TBX18: variants seen among roughly 807,000 people sequenced by gnomAD.
The protein encoded by TBX18 is T-box transcription factor TBX18.
Under a neutral mutation model 55.0 loss-of-function variants are expected in TBX18, and 21 were observed. The ratio of observed to expected loss-of-function variants is 0.38; its 90% CI spans 0.27 to 0.55. TBX18 has a LOEUF of 0.55. Ranked by LOEUF, TBX18 falls within the 20% of genes least tolerant of loss-of-function variation. The probability of loss-of-function intolerance (pLI) is 0.73; values close to 1 mark genes in which losing one functional copy is unlikely to be tolerated. For missense variants in TBX18, 840 were observed against 799.6 expected, an observed-to-expected ratio of 1.05 and a Z score of -0.61; for synonymous variants, 342 against 326.1, an observed-to-expected ratio of 1.05 and a Z score of -0.53.
chr6:84,763,919 C>A lies in TBX18; in HGVS notation c.263G>T (p.Ser88Ile). 1 of 1,559,996 alleles carries A rather than the reference C, an allele frequency of 6.4e-7. No homozygotes were observed. Among genetic ancestry groups the A allele is most frequent in the Non-Finnish European group, 8.6e-7 (1 of 1,159,228 alleles). Residue 88 changes from serine to isoleucine, a missense_variant, in exon 1 of 8, where the codon AGT becomes ATT. Ser to Ile is a moderately radical substitution (Grantham distance 142). Coordinates refer to ENST00000369663, the MANE Select transcript of TBX18 (RefSeq NM_001080508.3). ...GGCTCCGCGCTCCAGGTCTGCGCCA[C>A]TCCGAGCCGGCCCAGACGTCGCCCC... ...PAGATSGPAR[S>I]GADLERGAAG...
Position 84,735,899 on chromosome 6 carries a change from T to G in TBX18, c.*786A>C, listed in dbSNP as rs1414642553. The G allele has an allele frequency of 6.6e-6, 1 of 152,128 alleles. No individual in the cohort carries two copies. 9.4% of individuals were successfully genotyped at this position (152,128 alleles called of 1,614,324 possible). ...CCTGGTGAAAATTGGAATTTAAAAA[T>G]GTTTATAGAACATTCTTTAATGGTC... On this transcript the variant is annotated 3_prime_UTR_variant, in exon 8 of 8. Transcript: ENST00000369663.
At chr6:84,743,402 T>G (rs1013244549) in intron 6 of TBX18, among the ~76,000 whole-genome samples, 11 of 152,192 alleles carry the variant, frequency 7.2e-5, no homozygotes, top group Non-Finnish European at 1.5e-4. Flanking sequence ...TCTAAAATAA[T>G]TGGGGATTTT....
At position 84,735,688 on chromosome 6, in the gene TBX18, G is replaced by A; in HGVS notation, c.*997C>T. 2 of 152,162 alleles carry A rather than the reference G, an allele frequency of 1.3e-5. No individual in the cohort carries two copies. The highest frequency in any genetic ancestry group is 2.9e-5 in the Non-Finnish European group (2 of 68,024). 9.4% of individuals were successfully genotyped at this position (152,162 alleles called of 1,614,324 possible). ...CATTTTTTTTACTTATATACTATCG[G>A]TCAGGAAGCTCAGAGCAAGATGGAA... On this transcript the variant is annotated 3_prime_UTR_variant, in exon 8 of 8. Coordinates refer to ENST00000369663, the MANE Select transcript of TBX18 (RefSeq NM_001080508.3).
At chr6:84,744,398 CAAT>C in intron 5 of TBX18, 73 bp from the exon 6 acceptor site, 1 of 1,324,942 alleles carries the variant, frequency 7.5e-7, no homozygotes, top group African/African-American at 1.5e-5. Context: ...TGCAAAACTA[CAAT>C]GAGTCAAAAG....
chr6:84,742,732 G>A (rs889638001), intron 6 of TBX18, among the ~76,000 whole-genome samples: 3 of 151,914 alleles, frequency 2.0e-5, no homozygotes, highest in Admixed American at 2.0e-4. Context: ...GAATTTCAGT[G>A]TTTTAATAAA....
In TBX18 at chr6:84,737,407, T is replaced by G. The variant is rs111901553; in HGVS notation, c.1102A>C (p.Asn368His). The change falls in exon 8 of 8, where the codon AAT (asparagine) becomes CAT (histidine). Residue 368 changes from asparagine (N) to histidine (H), a missense_variant and splice_region_variant. Asn to His is a moderately conservative substitution (Grantham distance 68). Coordinates refer to ENST00000369663, the MANE Select transcript of TBX18 (RefSeq NM_001080508.3). ...TGGAGCAAGGTGGAGGAACTTGCATTGCCTACAAAAGAAGTTGAAATGTAA... is the reference window on the plus strand; with the variant it reads ...TGGAGCAAGGTGGAGGAACTTGCATGGCCTACAAAAGAAGTTGAAATGTAA... ...EDIPGIPKQG[N>H]ASSSTLLQGT... The G allele has an allele frequency of 6.0e-4, 901 of 1,509,322 alleles. 4 individuals carry two copies. Among genetic ancestry groups the G allele is most frequent in the African/African-American group, 5.9e-3 (420 of 71,666 alleles). 93.5% of individuals were successfully genotyped at this position (1,509,322 alleles called of 1,614,324 possible).
At chr6:84,763,829 G>T in intron 1 of TBX18, 61 bp downstream of exon 1, 1 of 1,437,898 alleles carries the variant, frequency 7.0e-7, no homozygotes, top group South Asian at 1.5e-5. Context: ...CACACCCACA[G>T]ACTCGCAGAA....
rs766372682 is a variant in TBX18, at chr6:84,748,040, G to A, written c.819C>T (p.Ile273=). Reference sequence around the variant, plus strand: ...AAAGATCGTCTCCACAGTCTTTACGGATGACGTGCACTCGCGGTTGGTATT... The same window carrying A: ...AAAGATCGTCTCCACAGTCTTTACGAATGACGTGCACTCGCGGTTGGTATT... ...MHKYQPRVHV[I]RKDCGDDLSP... is the part of the protein sequence containing the mutation. The change falls in exon 5 of 8, where the codon ATC becomes ATT. Residue 273 remains isoleucine (I), a synonymous_variant. Coordinates refer to ENST00000369663, the MANE Select transcript of TBX18 (RefSeq NM_001080508.3). The A allele has an allele frequency of 1.2e-6, 2 of 1,613,264 alleles. No homozygotes were observed. Among genetic ancestry groups the A allele is most frequent in the South Asian group, 2.2e-5 (2 of 90,996 alleles).
intron 2 of TBX18, among the ~76,000 whole-genome samples, chr6:84,760,580 C>T (rs1767623101): frequency 6.6e-6 from 1 of 152,064 alleles, no homozygotes; most frequent in South Asian, 2.1e-4. Flanking sequence ...TCTGTGTTTA[C>T]TGAAATGTCA....
At chr6:84,744,781 C>G (rs1767139592) in intron 5 of TBX18, among the ~76,000 whole-genome samples, 1 of 152,160 alleles carries the variant, frequency 6.6e-6, no homozygotes, top group South Asian at 2.1e-4. Flanking sequence ...TAAGCTCCTA[C>G]AGAGCTTTCT....
intron 4 of TBX18, among the ~76,000 whole-genome samples, chr6:84,748,680 G>A (rs1034505062): frequency 1.3e-5 from 2 of 152,158 alleles, no homozygotes; most frequent in African/African-American, 4.8e-5. Flanking sequence ...TACTCAGACT[G>A]CAGAGAACAG....
At chr6:84,746,431 T>G (rs1380210466) in intron 5 of TBX18, among the ~76,000 whole-genome samples, 8 of 147,334 alleles carry the variant, frequency 5.4e-5, no homozygotes, top group African/African-American at 9.8e-5. Flanking sequence ...TATATTATAA[T>G]TATATATTAT....
intron 4 of TBX18, among the ~76,000 whole-genome samples, chr6:84,750,146 G>A (rs779229202): frequency 1.3e-5 from 2 of 152,004 alleles, no homozygotes; most frequent in African/African-American, 2.4e-5. Flanking sequence ...TTAGCTGGGC[G>A]TGGTGGCACA....
intron 4 of TBX18, among the ~76,000 whole-genome samples, chr6:84,752,555 C>A (rs1254693983): frequency 6.6e-6 from 1 of 152,164 alleles, no homozygotes; most frequent in Non-Finnish European, 1.5e-5. Flanking sequence ...CTTTCGAGTT[C>A]ATCAGCTCAT....
chr6:84,742,185 T>G (rs1448400704), intron 6 of TBX18: 2 of 152,164 alleles, frequency 1.3e-5, no homozygotes, highest in African/African-American at 4.8e-5. Flanking sequence ...AATAAAAATT[T>G]TAAATTTTAA....
At chr6:84,743,600 A>T (rs900261977) in intron 6 of TBX18, among the ~76,000 whole-genome samples, 2 of 152,156 alleles carry the variant, frequency 1.3e-5, no homozygotes, top group Non-Finnish European at 2.9e-5. Flanking sequence ...TGTTGTACTG[A>T]ACTATATTGG....
At chr6:84,753,694 AC>A (rs1419575257) in intron 4 of TBX18, among the ~76,000 whole-genome samples, 9 of 152,246 alleles carry the variant, frequency 5.9e-5, no homozygotes, top group African/African-American at 2.2e-4. Flanking sequence ...AACACAATCA[AC>A]AATAAAATCA....
In TBX18 at chr6:84,734,699, C is replaced by T. The variant is rs1261506606; in HGVS notation, c.*1986G>A. On this transcript the variant is annotated 3_prime_UTR_variant, in exon 8 of 8. Transcript: ENST00000369663. The stretch of plus-strand genomic sequence containing the variant: ...ATGATCAACGGCAAGAAGGAAAATG[C>T]TCTTATTAATACATATGGGTATAGA... 6.6e-6 allele frequency: 1 copy of T among 152,446 alleles called. No homozygotes were observed. Among genetic ancestry groups the T allele is most frequent in the Non-Finnish European group, 1.5e-5 (1 of 68,010 alleles). The allele number at this position is 152,446 out of a possible 1,614,324, so 9.4% of individuals were successfully genotyped here.
At position 84,763,975 on chromosome 6, in the gene TBX18, T is replaced by C. The variant is rs200170905; in HGVS notation, c.207A>G (p.Gly69=). Residue 69 remains glycine, a synonymous_variant, in exon 1 of 8, where the codon GGA becomes GGG. Coordinates refer to ENST00000369663, the MANE Select transcript of TBX18 (RefSeq NM_001080508.3). ...GGAGEKGSSE[G]DEGAALPPPA... ...GCGGCGGGAGCGCAGCGCCTTCGTC[T>C]CCCTCAGAAGAACCCTTTTCGCCCG... 6.3e-7 allele frequency: 1 copy of C among 1,580,714 alleles called. No homozygotes were observed. The highest frequency in any genetic ancestry group is 1.1e-5 in the South Asian group (1 of 88,030).
Sources: gnomAD v4.1 joint callset for allele counts (sites outside exome capture counted in the v4.1 genomes callset) on GRCh38, gnomAD v4.1.1 for gene constraint, MANE v1.5 for transcripts, NCBI Gene and HGNC (gene_info 2026-07-23, HGNC 2026-07-21) for gene names.